The following TMEM132C variants were observed in gnomAD, a reference collection of about 807,000 sequenced individuals.
TMEM132C encodes the protein protein phosphatase 1, regulatory subunit 152.
Under a neutral mutation model 61.4 loss-of-function variants are expected in TMEM132C, and 29 were observed. The observed-to-expected ratio is 0.47, with a 90% confidence interval of 0.35 to 0.64. The LOEUF (loss-of-function observed/expected upper bound fraction) is 0.64. Among genes scored for constraint, TMEM132C ranks in the 30% least tolerant of loss-of-function variants. TMEM132C has a pLI of 0.00. For missense variants in TMEM132C, 1,408 were observed against 1,476.9 expected, an observed-to-expected ratio of 0.95 and a Z score of 0.76; for synonymous variants, 656 against 633.1, an observed-to-expected ratio of 1.04 and a Z score of -0.54.
At chr12:128,599,390 G>A (rs929818801) in intron 3 of TMEM132C, among the ~76,000 whole-genome samples, 1 of 152,216 alleles carries the variant, frequency 6.6e-6, no homozygotes, top group African/African-American at 2.4e-5. Context: ...CCAGGTACTG[G>A]GGGACAGGAC....
intron 2 of TMEM132C, among the ~76,000 whole-genome samples, chr12:128,440,081 C>A (rs1207331522): frequency 6.6e-6 from 1 of 152,198 alleles, no homozygotes; most frequent in Non-Finnish European, 1.5e-5. Flanking sequence ...ATAGCTCTCT[C>A]TGATATCCTT....
At chr12:128,552,064 T>C (rs952379798) in intron 3 of TMEM132C, among the ~76,000 whole-genome samples, 3 of 152,250 alleles carry the variant, frequency 2.0e-5, no homozygotes, top group Non-Finnish European at 4.4e-5. Context: ...CCTAAGGCTG[T>C]TGATGAGGCG....
At chr12:128,312,990 C>T (rs1046176500) in intron 1 of TMEM132C, among the ~76,000 whole-genome samples, 1 of 152,238 alleles carries the variant, frequency 6.6e-6, no homozygotes, top group Admixed American at 6.5e-5. Context: ...CATTCCTCAG[C>T]CTGCTCCATC....
At chr12:128,537,020 A>G (rs2136141412) in intron 2 of TMEM132C, among the ~76,000 whole-genome samples, 1 of 152,314 alleles carries the variant, frequency 6.6e-6, no homozygotes, top group African/African-American at 2.4e-5. Context: ...ATATTCAATA[A>G]GCCATAGGAG....
intron 1 of TMEM132C, among the ~76,000 whole-genome samples, chr12:128,298,255 C>G (rs1453639986): frequency 6.6e-6 from 1 of 152,142 alleles, no homozygotes; most frequent in Non-Finnish European, 1.5e-5. Flanking sequence ...GTGGAGCTCC[C>G]CAGGCTCTCC....
intron 8 of TMEM132C, among the ~76,000 whole-genome samples, chr12:128,703,114 C>G (rs756440116): frequency 6.6e-6 from 1 of 152,160 alleles, no homozygotes; most frequent in Non-Finnish European, 1.5e-5. Flanking sequence ...CTCTTCCTAA[C>G]GATATGACTG....
intron 3 of TMEM132C, among the ~76,000 whole-genome samples, chr12:128,586,018 C>G (rs1337795738): frequency 6.6e-6 from 1 of 152,086 alleles, no homozygotes; most frequent in Non-Finnish European, 1.5e-5. Context: ...GAGGACTGTA[C>G]CCCTAAAAAC....
intron 5 of TMEM132C, among the ~76,000 whole-genome samples, chr12:128,670,968 T>A (rs937939697): frequency 4.6e-5 from 7 of 152,166 alleles, no homozygotes; most frequent in Non-Finnish European, 8.8e-5. Flanking sequence ...TAATTTTTTT[T>A]AATGGGCAAA....
intron 3 of TMEM132C, among the ~76,000 whole-genome samples, chr12:128,550,421 C>T (rs142246688): frequency 2.4e-3 from 365 of 152,084 alleles, no homozygotes; most frequent in African/African-American, 8.1e-3. Context: ...TCCTCTCAAG[C>T]GATCCGCCAA....
At chr12:128,427,278 G>C (rs911505852) in intron 2 of TMEM132C, among the ~76,000 whole-genome samples, 3 of 152,150 alleles carry the variant, frequency 2.0e-5, no homozygotes, top group Non-Finnish European at 4.4e-5. Flanking sequence ...CTTGTTGAAA[G>C]TCTTTCCTGG....
At chr12:128,330,364 G>A (rs539855771) in intron 1 of TMEM132C, among the ~76,000 whole-genome samples, 2 of 152,154 alleles carry the variant, frequency 1.3e-5, no homozygotes, top group South Asian at 2.1e-4. Flanking sequence ...AACCAACCTC[G>A]AATATGTTAT....
intron 2 of TMEM132C, among the ~76,000 whole-genome samples, chr12:128,484,358 A>G (rs756488421): frequency 2.0e-5 from 3 of 152,188 alleles, no homozygotes; most frequent in Non-Finnish European, 2.9e-5. Context: ...GAAGCTCTCC[A>G]GTGAGAGGAA....
At position 128,669,508 on chromosome 12, in the gene TMEM132C, T is replaced by G; in HGVS notation, c.1397T>G (p.Met466Arg). 1.3e-6 allele frequency: 2 copies of G among 1,551,700 alleles called. No homozygotes were observed. Among genetic ancestry groups the G allele is most frequent in the East Asian group, 2.4e-5 (1 of 40,920 alleles). ...VVSVEENSAV[M>R]DISESVECKS... ...TCTGTGGAGGAGAACAGTGCCGTGA[T>G]GGACATCTCAGAGTCGGTGGAGTGC... The change falls in exon 5 of 9, where the codon ATG becomes AGG. Residue 466 changes from methionine to arginine, a missense_variant. By Grantham distance (91) the Met-to-Arg change is moderately conservative. Transcript: ENST00000435159.
At chr12:128,315,555 G>A (rs1018214960) in intron 1 of TMEM132C, among the ~76,000 whole-genome samples, 1 of 152,112 alleles carries the variant, frequency 6.6e-6, no homozygotes, top group Non-Finnish European at 1.5e-5. Context: ...TGCATTTTCA[G>A]GTTGACTCTC....
In TMEM132C at chr12:128,379,268, T is replaced by G. The variant is rs577719160; in HGVS notation, c.86-35464T>G. Among the ~76,000 whole-genome samples, 6 of 152,304 alleles carry G rather than the reference T, an allele frequency of 3.9e-5. No homozygotes were observed. In the East Asian group the frequency reaches 1.2e-3, roughly 29 times the overall value. On this transcript the variant is annotated intron_variant, in intron 1 of 8. Transcript: ENST00000435159. The stretch of plus-strand genomic sequence containing the variant: ...TAGGTTGTTGGTGAGAAAAAGATAT[T>G]GATTTCCTGGGTAATGTTGGTGCAG...
intron 1 of TMEM132C, among the ~76,000 whole-genome samples, chr12:128,289,390 G>A (rs1871182574): frequency 6.6e-6 from 1 of 152,212 alleles, no homozygotes; most frequent in South Asian, 2.1e-4. Context: ...ATTTAAAAAT[G>A]TCCCTAACTC....
chr12:128,537,280 G>GCT (rs1340045844), intron 2 of TMEM132C, among the ~76,000 whole-genome samples: 1 of 152,196 alleles, frequency 6.6e-6, no homozygotes, highest in African/African-American at 2.4e-5. Flanking sequence ...AACCATAAAA[G>GCT]GGCAAGGCAG....
At chr12:128,704,054 A>G (rs539787920) in intron 8 of TMEM132C, among the ~76,000 whole-genome samples, 1 of 152,352 alleles carries the variant, frequency 6.6e-6, no homozygotes, top group African/African-American at 2.4e-5. Flanking sequence ...GAGGCGAGAC[A>G]GCAGGAAACC....
At chr12:128,610,138 A>T (rs1381689289) in intron 3 of TMEM132C, among the ~76,000 whole-genome samples, 2 of 152,260 alleles carry the variant, frequency 1.3e-5, no homozygotes, top group African/African-American at 4.8e-5. Context: ...CCAGTGAGGA[A>T]GCAAGTGTCC....
Sources: allele counts gnomAD v4.1 joint callset (sites outside exome capture counted in the v4.1 genomes callset), GRCh38; gene constraint gnomAD v4.1.1; transcripts MANE v1.5; gene names NCBI Gene and HGNC (gene_info 2026-07-23, HGNC 2026-07-21).